Variants in MAPK10 observed in about 807,000 individuals in gnomAD.
The protein encoded by MAPK10 is JNK3 alpha protein kinase.
A neutral mutation model predicts 59.3 loss-of-function variants in MAPK10; 25 were observed. The ratio of observed to expected loss-of-function variants is 0.42; its 90% CI spans 0.31 to 0.59. The LOEUF (loss-of-function observed/expected upper bound fraction) is 0.59. Among genes scored for constraint, MAPK10 ranks in the 20% least tolerant of loss-of-function variants. MAPK10 has a pLI of 0.15. For synonymous variants in MAPK10, 190 were observed against 200.5 expected, an observed-to-expected ratio of 0.95 and a Z score of 0.44; for missense variants, 351 against 568.9, an observed-to-expected ratio of 0.62 and a Z score of 3.90.
At chr4:86,384,563 A>G (rs1333224534) in intron 1 of MAPK10, among the ~76,000 whole-genome samples, 1 of 152,138 alleles carries the variant, frequency 6.6e-6, no homozygotes, top group Non-Finnish European at 1.5e-5. Flanking sequence ...TGCAGACTAG[A>G]GTCTAGGTGG....
chr4:86,383,964 A>T (rs1331935855), intron 1 of MAPK10: 1 of 152,174 alleles, frequency 6.6e-6, no homozygotes, highest in Non-Finnish European at 1.5e-5. Flanking sequence ...CTTTGCTCTC[A>T]TTCTTCGATC....
intron 1 of MAPK10, among the ~76,000 whole-genome samples, chr4:86,559,011 A>G (rs1760474349): frequency 6.6e-6 from 1 of 152,280 alleles, no homozygotes; most frequent in South Asian, 2.1e-4. Flanking sequence ...TGAACTGAAG[A>G]CCTGCTATAA....
intron 4 of MAPK10, among the ~76,000 whole-genome samples, chr4:86,108,817 A>G (rs1481450381): frequency 6.6e-6 from 1 of 152,226 alleles, no homozygotes; most frequent in Non-Finnish European, 1.5e-5. Flanking sequence ...TAACCATAAT[A>G]TATGAAATCT....
At chr4:86,353,141 T>A (rs927916206) in intron 2 of MAPK10, among the ~76,000 whole-genome samples, 5 of 152,054 alleles carry the variant, frequency 3.3e-5, no homozygotes, top group Non-Finnish European at 7.4e-5. Context: ...ACATCCGTGG[T>A]AGAGTCTCCT....
In MAPK10 at chr4:86,194,259, A is replaced by G; in HGVS notation, c.66+77T>C. The G allele has an allele frequency of 1.8e-5, 19 of 1,070,136 alleles. No homozygotes were observed. In the South Asian group the frequency reaches 1.8e-4, roughly 10 times the overall value. 66.3% of individuals were successfully genotyped at this position (1,070,136 alleles called of 1,614,324 possible). A position where few individuals can be genotyped will look rare whatever the true frequency, so the allele number is the denominator to read the frequency against. On this transcript the variant is annotated intron_variant, in intron 3 of 13. Transcript: ENST00000641462. ...ATATAAATACTGACTTTGGTGTGGA[A>G]TGTATGCAAATGGTATGTCAAAGTG...
chr4:86,121,127 T>C (rs2059172705), intron 4 of MAPK10, among the ~76,000 whole-genome samples: 2 of 152,198 alleles, frequency 1.3e-5, no homozygotes, highest in South Asian at 4.1e-4. Flanking sequence ...CATACGATGA[T>C]TTAACACATG....
intron 2 of MAPK10, among the ~76,000 whole-genome samples, chr4:86,207,020 TC>T (rs1339619510): frequency 6.6e-6 from 1 of 152,002 alleles, no homozygotes; most frequent in Non-Finnish European, 1.5e-5. Flanking sequence ...GATAGTAGTT[TC>T]TTTTGCTGTG....
At chr4:86,068,197 T>C (rs762455383) in intron 9 of MAPK10, among the ~76,000 whole-genome samples, 3 of 152,220 alleles carry the variant, frequency 2.0e-5, no homozygotes, top group African/African-American at 7.2e-5. Flanking sequence ...TAAGATATCA[T>C]GAAATAGTCT....
chr4:86,208,160 A>G (rs919897175), intron 2 of MAPK10, among the ~76,000 whole-genome samples: 11 of 152,116 alleles, frequency 7.2e-5, no homozygotes, highest in Admixed American at 3.3e-4. Flanking sequence ...TATCAGAGGT[A>G]CAAGGAGGAA....
chr4:86,461,314 T>A (rs1486170695), intron 1 of MAPK10, among the ~76,000 whole-genome samples: 1 of 152,024 alleles, frequency 6.6e-6, no homozygotes, highest in African/African-American at 2.4e-5. Flanking sequence ...CGGGACAACT[T>A]GAAGTGGATG....
intron 1 of MAPK10, among the ~76,000 whole-genome samples, chr4:86,539,408 T>C (rs1239773636): frequency 1.3e-5 from 2 of 152,108 alleles, no homozygotes; most frequent in Admixed American, 6.5e-5. Flanking sequence ...CCTCAGCTAC[T>C]AGATGAGGCA....
In MAPK10 at chr4:86,010,671, T is replaced by C. The variant is rs1310236186; in HGVS notation, c.*6557A>G. On this transcript the variant is annotated 3_prime_UTR_variant, in exon 14 of 14. Coordinates refer to ENST00000641462, the MANE Select transcript of MAPK10 (RefSeq NM_138982.4). ...TTTTATAAAAGAAATACTTTAATAT[T>C]ATGAATTCTCTTGGTCTGTGTAAAA... is the stretch of plus-strand genomic sequence containing the variant. 6.6e-6 allele frequency: 1 copy of C among 152,252 alleles called. No individual in the cohort carries two copies. The highest frequency in any genetic ancestry group is 2.4e-5 in the African/African-American group (1 of 41,480). 9.4% of individuals were successfully genotyped at this position (152,252 alleles called of 1,614,324 possible). A position where few individuals can be genotyped will look rare whatever the true frequency, so the allele number is the denominator to read the frequency against.
At chr4:86,371,292 G>A (rs1738714987) in intron 1 of MAPK10, among the ~76,000 whole-genome samples, 1 of 152,120 alleles carries the variant, frequency 6.6e-6, no homozygotes, top group African/African-American at 2.4e-5. Context: ...ATGATTTACA[G>A]ACATTTGCTC....
chr4:86,386,422 A>G (rs1741480513), intron 1 of MAPK10, among the ~76,000 whole-genome samples: 1 of 152,166 alleles, frequency 6.6e-6, no homozygotes, highest in South Asian at 2.1e-4. Flanking sequence ...TGGAGAAAAG[A>G]TCTGCCTGCC....
At chr4:86,205,387 G>T (rs368127308) in intron 2 of MAPK10, among the ~76,000 whole-genome samples, 9 of 151,808 alleles carry the variant, frequency 5.9e-5, no homozygotes, top group Non-Finnish European at 1.0e-4. Flanking sequence ...AAAAATTCAC[G>T]ATCACAGTGA....
chr4:86,118,308 TTC>T (rs2058613321), intron 4 of MAPK10, among the ~76,000 whole-genome samples: 1 of 152,200 alleles, frequency 6.6e-6, no homozygotes, highest in Non-Finnish European at 1.5e-5. Context: ...CTTACTTTTT[TTC>T]TTTCAGTATT....
intron 2 of MAPK10, among the ~76,000 whole-genome samples, chr4:86,304,646 C>T (rs1253758370): frequency 3.9e-5 from 6 of 152,056 alleles, no homozygotes; most frequent in Admixed American, 3.9e-4. Flanking sequence ...CCCGCCTCGG[C>T]CTCCCAAAGT....
chr4:86,295,554 A>G (rs2095339500), intron 2 of MAPK10, among the ~76,000 whole-genome samples: 1 of 151,998 alleles, frequency 6.6e-6, no homozygotes, highest in South Asian at 2.1e-4. Flanking sequence ...AGTTCCTAGC[A>G]CATAATAAAT....
At position 86,548,642 on chromosome 4, in the gene MAPK10, C is replaced by T. The variant is rs1275961525; in HGVS notation, c.-263+45268G>A. On this transcript the variant is annotated intron_variant, in intron 1 of 4. Coordinates refer to the MAPK10 transcript ENST00000502302. ...TTGAAAGTTAGTAAAGGCCATCATG[C>T]TTCCTGTATAGCCCATGGAACCATG... 3.3e-5 allele frequency among the ~76,000 whole-genome samples: 5 copies of T among 152,168 alleles called. No individual in the cohort carries two copies. In the East Asian group the frequency reaches 9.6e-4, roughly 29 times the overall value.
Sources: gnomAD v4.1 joint callset for allele counts (sites outside exome capture counted in the v4.1 genomes callset) on GRCh38, gnomAD v4.1.1 for gene constraint, MANE v1.5 for transcripts, NCBI Gene and HGNC (gene_info 2026-07-23, HGNC 2026-07-21) for gene names.